Variants in CRK observed in about 807,000 individuals in gnomAD.
CRK encodes CRK proto-oncogene, adaptor protein, also known as adapter molecule crk.
In CRK, 4 loss-of-function variants were observed where a neutral mutation model predicts 29.8. The ratio of observed to expected loss-of-function variants is 0.13; its 90% CI spans 0.07 to 0.31. The LOEUF is 0.31. Among genes scored for constraint, CRK ranks in the 10% least tolerant of loss-of-function variants. The pLI is 1.00. For synonymous variants in CRK, 153 were observed against 164.9 expected (o/e 0.93, Z 0.55); for missense variants, 274 against 396.5 (o/e 0.69, Z 2.62).
chr17:1,423,107 T>C lies in CRK; in HGVS notation c.*406A>G. The C allele has an allele frequency of 2.4e-6, 1 of 424,406 alleles. No individual in the cohort carries two copies. The highest frequency in any genetic ancestry group is 3.5e-5 in the East Asian group (1 of 28,826). 26.3% of individuals were successfully genotyped at this position (424,406 alleles called of 1,614,324 possible). ...ACTTCACGGGGGTGGAACGGAACAG[T>C]CTGTCGCCATTTGATAGTATGGTTC... On this transcript the variant is annotated 3_prime_UTR_variant, in exon 3 of 3. Transcript: ENST00000300574.
At chr17:1,435,467 GA>G (rs11329958) in intron 2 of CRK, among the ~76,000 whole-genome samples, 109,655 of 146,524 alleles carry the variant, frequency 0.75, 41,261 homozygotes, top group African/African-American at 0.87. Context: ...AAGCAGAGAG[GA>G]AAAAAAAAAA....
intron 2 of CRK, among the ~76,000 whole-genome samples, chr17:1,431,969 T>C (rs960781325): frequency 1.3e-5 from 2 of 152,196 alleles, no homozygotes; most frequent in African/African-American, 4.8e-5. Flanking sequence ...GAATTACCAA[T>C]GAACAACAAA....
chr17:1,451,341 G>C (rs1380772711), intron 1 of CRK, among the ~76,000 whole-genome samples: 1 of 151,582 alleles, frequency 6.6e-6, no homozygotes, highest in Non-Finnish European at 1.5e-5. Context: ...AGCGATTCTC[G>C]TGCCTTAGCC....
intron 1 of CRK, among the ~76,000 whole-genome samples, chr17:1,450,058 T>C (rs943556967): frequency 6.6e-6 from 1 of 151,868 alleles, no homozygotes; most frequent in Non-Finnish European, 1.5e-5. Context: ...AAAAATTAGC[T>C]GGGAGTGGTG....
chr17:1,447,970 G>A (rs539834478), intron 1 of CRK, among the ~76,000 whole-genome samples: 123 of 152,094 alleles, frequency 8.1e-4, no homozygotes, highest in African/African-American at 2.8e-3. Flanking sequence ...CTCTGCCTGT[G>A]GTATTTACAG....
chr17:1,434,450 C>T (rs2073872113), intron 2 of CRK, among the ~76,000 whole-genome samples: 1 of 152,082 alleles, frequency 6.6e-6, no homozygotes, highest in Admixed American at 6.6e-5. Flanking sequence ...TGAGCGGTGA[C>T]CACACATAGT....
intron 1 of CRK, among the ~76,000 whole-genome samples, chr17:1,440,747 A>C (rs1319331277): frequency 2.6e-5 from 4 of 152,108 alleles, no homozygotes; most frequent in African/African-American, 9.7e-5. Flanking sequence ...AACAAACAAA[A>C]AAACCATTAG....
At chr17:1,454,356 C>G (rs1290276712) in intron 1 of CRK, among the ~76,000 whole-genome samples, 1 of 152,138 alleles carries the variant, frequency 6.6e-6, no homozygotes, top group African/African-American at 2.4e-5. Flanking sequence ...GCCTGGCCAA[C>G]CTGGTGAAAC....
chr17:1,430,338 G>A (rs1428866838), intron 2 of CRK, among the ~76,000 whole-genome samples: 2 of 143,718 alleles, frequency 1.4e-5, no homozygotes, highest in Middle Eastern at 3.9e-3. Context: ...GTGAACCACT[G>A]TACCTGGGCT....
chr17:1,451,727 A>C (rs2074020023), intron 1 of CRK, among the ~76,000 whole-genome samples: 1 of 151,812 alleles, frequency 6.6e-6, no homozygotes, highest in Non-Finnish European at 1.5e-5. Flanking sequence ...GGGAAAAAAA[A>C]ACAAAAAACA....
At chr17:1,449,011 A>G (rs1436771809) in intron 1 of CRK, among the ~76,000 whole-genome samples, 1 of 152,186 alleles carries the variant, frequency 6.6e-6, no homozygotes, top group African/African-American at 2.4e-5. Flanking sequence ...CCTGAGCAAC[A>G]GGGCCATCAG....
intron 2 of CRK, among the ~76,000 whole-genome samples, chr17:1,430,763 G>C (rs2073835811): frequency 6.6e-6 from 1 of 151,702 alleles, no homozygotes; most frequent in Admixed American, 6.6e-5. Context: ...CCTCAAGGAA[G>C]ACCTTGTTAA....
intron 1 of CRK, among the ~76,000 whole-genome samples, chr17:1,440,278 G>A (rs569561040): frequency 2.0e-5 from 3 of 150,036 alleles, no homozygotes; most frequent in Non-Finnish European, 3.0e-5. Context: ...CAGCCTGGGC[G>A]ACAGAGCGGG....
chr17:1,451,294 G>A (rs947732019), intron 1 of CRK, among the ~76,000 whole-genome samples: 6 of 150,340 alleles, frequency 4.0e-5, no homozygotes, highest in South Asian at 2.1e-4. Context: ...CCAGTGGCAC[G>A]ATCTCAGCTC....
intron 1 of CRK, among the ~76,000 whole-genome samples, chr17:1,447,607 CTTTTTTTTTTT>C (rs34998406): frequency 5.9e-5 from 7 of 117,824 alleles, no homozygotes; most frequent in Non-Finnish European, 8.4e-5. Context: ...TTCTCTTTTC[CTTTTTTTTTTT>C]TTTTTTTTGA....
intron 1 of CRK, among the ~76,000 whole-genome samples, chr17:1,441,224 G>A (rs1310941334): frequency 6.6e-6 from 1 of 152,156 alleles, no homozygotes; most frequent in African/African-American, 2.4e-5. Flanking sequence ...CACCACGCCT[G>A]GCCTTGGCTT....
chr17:1,450,072 CAT>C (rs2074005557), intron 1 of CRK, among the ~76,000 whole-genome samples: 1 of 152,074 alleles, frequency 6.6e-6, no homozygotes, highest in Non-Finnish European at 1.5e-5. Context: ...AGTGGTGGCG[CAT>C]GCCTGTAATC....
chr17:1,430,812 A>T (rs543009047), intron 2 of CRK, among the ~76,000 whole-genome samples: 1 of 151,416 alleles, frequency 6.6e-6, no homozygotes, highest in South Asian at 2.1e-4. Flanking sequence ...TCATGCCTGT[A>T]ATCCCAGCAC....
chr17:1,442,659 G>C (rs2073944395), intron 1 of CRK, among the ~76,000 whole-genome samples: 1 of 148,454 alleles, frequency 6.7e-6, no homozygotes, highest in South Asian at 2.1e-4. Flanking sequence ...CCAAGCTGGA[G>C]TGCAGTGGCT....
Sources: gnomAD v4.1 joint callset for allele counts (sites outside exome capture counted in the v4.1 genomes callset) on GRCh38, gnomAD v4.1.1 for gene constraint, MANE v1.5 for transcripts, NCBI Gene and HGNC (gene_info 2026-07-23, HGNC 2026-07-21) for gene names.